RTN1: variants seen among roughly 807,000 people sequenced by gnomAD.
RTN1 encodes the protein reticulon 1.
In RTN1, 25 loss-of-function variants were observed where a neutral mutation model predicts 65.5. The ratio of observed to expected loss-of-function variants is 0.38; its 90% CI spans 0.28 to 0.53. The LOEUF (loss-of-function observed/expected upper bound fraction) is 0.53, where lower values mean the gene tolerates loss of function less well. Ranked by LOEUF, RTN1 falls within the 20% of genes least tolerant of loss-of-function variation. The pLI, the probability that RTN1 is intolerant of heterozygous loss-of-function variation, is 0.79. For synonymous variants in RTN1, 471 were observed against 447.6 expected (o/e 1.05, Z -0.66); for missense variants, 983 against 1,025.4 (o/e 0.96, Z 0.57).
rs1594703971 is a variant in RTN1, at chr14:59,727,593, T to C, written c.1091A>G (p.Lys364Arg). ...DELITAIKEA[K>R]GLSYETAENP... ...CTCGGCGGTTTCATACGATAATCCC[T>C]TTGCTTCTTTGATGGCGGTGATCAG... The change falls in exon 3 of 9, where the codon AAG becomes AGG. Residue 364 changes from lysine (K) to arginine (R), a missense_variant. Around this residue, in one of 2 missense-constraint regions of RTN1, gnomAD observed 818 missense variants for 801.8 expected, o/e 1.02. Coordinates refer to ENST00000267484, the MANE Select transcript of RTN1 (RefSeq NM_021136.3). This position sits in a 1 kb window ranked among gnomAD's most constrained non-coding sequence, Gnocchi z 4.2. 7 of 1,612,678 alleles carry C rather than the reference T, an allele frequency of 4.3e-6. No homozygotes were observed. The highest frequency in any genetic ancestry group is 5.9e-6 in the Non-Finnish European group (7 of 1,179,742).
chr14:59,750,084 GACAT>G (rs1566713049), intron 1 of RTN1, among the ~76,000 whole-genome samples: 5 of 41,230 alleles, frequency 1.2e-4, no homozygotes, highest in Admixed American at 4.9e-4. Context: ...ATATATTATA[GACAT>G]ATATATTATA....
In RTN1 at chr14:59,620,145, G is replaced by A. The variant is rs1882216281; in HGVS notation, c.1766-12653C>T. ...AATCACAGTTGTTTTCAAAGAAGGA[G>A]GGAGAAAAGAGATAGGTAAAGATGG... is the stretch of plus-strand genomic sequence containing the variant. On this transcript the variant is annotated intron_variant, in intron 3 of 8. Transcript: ENST00000267484. Among the ~76,000 whole-genome samples, 4 of 152,014 alleles carry A rather than the reference G, an allele frequency of 2.6e-5. No individual in the cohort carries two copies. In the South Asian group the frequency reaches 8.3e-4, roughly 32 times the overall value.
chr14:59,791,220 G>C (rs1886341848), intron 1 of RTN1, among the ~76,000 whole-genome samples: 1 of 151,728 alleles, frequency 6.6e-6, no homozygotes, highest in African/African-American at 2.4e-5. Flanking sequence ...CTTTATCCTA[G>C]TTTCCGTGTG....
intron 1 of RTN1, among the ~76,000 whole-genome samples, chr14:59,749,338 C>CTA (rs1180265066): frequency 7.6e-4 from 20 of 26,178 alleles, no homozygotes; most frequent in African/African-American, 5.9e-3. Context: ...CTATATATAT[C>CTA]TATATATATC....
chr14:59,795,239 G>A (rs1053562133), intron 1 of RTN1, among the ~76,000 whole-genome samples: 2 of 152,016 alleles, frequency 1.3e-5, no homozygotes, highest in African/African-American at 4.8e-5. Flanking sequence ...TGACATTAAA[G>A]ATTTAAAAAA....
chr14:59,719,647 G>A (rs916622943), intron 3 of RTN1, among the ~76,000 whole-genome samples: 1 of 152,182 alleles, frequency 6.6e-6, no homozygotes, highest in African/African-American at 2.4e-5. Flanking sequence ...TTGTATTTTT[G>A]TATTGCAGGA....
chr14:59,734,236 C>T (rs1474960099), intron 2 of RTN1, among the ~76,000 whole-genome samples: 1 of 152,198 alleles, frequency 6.6e-6, no homozygotes, highest in East Asian at 1.9e-4. Flanking sequence ...CAAAAGTCAG[C>T]AACCTCAAAG....
intron 1 of RTN1, among the ~76,000 whole-genome samples, chr14:59,752,501 G>T (rs1885553950): frequency 1.3e-5 from 2 of 151,996 alleles, no homozygotes; most frequent in Admixed American, 6.6e-5. Context: ...GGCGGGGGTG[G>T]TGCACAAACA....
rs192101396 is a variant in RTN1 at position 59,829,602 on chromosome 14, G to A, written c.241+40788C>T. Among the ~76,000 whole-genome samples, 917 of 152,254 alleles carry A rather than the reference G, an allele frequency of 6.0e-3. 9 individuals carry two copies. Among genetic ancestry groups the A allele is most frequent in the African/African-American group, 0.02 (848 of 41,526 alleles). ...ACAGCTAGACATAGGTGGAGGGCAG[G>A]GCACCAAACAACATTTCATTTCCTG... On this transcript the variant is annotated intron_variant, in intron 1 of 8. Coordinates refer to ENST00000267484, the MANE Select transcript of RTN1 (RefSeq NM_021136.3). This position sits in a 1 kb window ranked among gnomAD's most constrained non-coding sequence, Gnocchi z 4.3.
chr14:59,666,962 CAAAAAAAAAAAA>C (rs146213616), intron 3 of RTN1, among the ~76,000 whole-genome samples: 3 of 60,106 alleles, frequency 5.0e-5, no homozygotes, highest in Non-Finnish European at 9.1e-5. Flanking sequence ...GCCGACCAAC[CAAAAAAAAAAAA>C]AAAAAAAAAA....
chr14:59,681,325 G>A (rs772386085), intron 3 of RTN1, among the ~76,000 whole-genome samples: 63 of 152,180 alleles, frequency 4.1e-4, no homozygotes, highest in Non-Finnish European at 8.8e-5. Context: ...CTTGGTTCTT[G>A]ATTCATATGT....
chr14:59,827,792 T>C (rs1437815411), intron 1 of RTN1, among the ~76,000 whole-genome samples: 1 of 152,232 alleles, frequency 6.6e-6, no homozygotes, highest in Non-Finnish European at 1.5e-5. Context: ...GATATTCTTA[T>C]CTACCCTTTG....
chr14:59,648,968 A>C (rs1010895198), intron 3 of RTN1, among the ~76,000 whole-genome samples: 2 of 152,220 alleles, frequency 1.3e-5, no homozygotes, highest in African/African-American at 4.8e-5. Flanking sequence ...AATAAATGGC[A>C]TTCAGGTAGT....
At position 59,759,383 on chromosome 14, in the gene RTN1, G is replaced by A. The variant is rs74886761; in HGVS notation, c.242-12902C>T. Among the ~76,000 whole-genome samples, 366 of 152,190 alleles carry A rather than the reference G, an allele frequency of 2.4e-3. 3 individuals are homozygous for A. Among genetic ancestry groups the A allele is most frequent in the African/African-American group, 8.3e-3 (346 of 41,534 alleles). ...TTTACAAGCTGTGTGACCCTGGACC[G>A]ATTACCTAATATCTTTGTGCTTCTG... On this transcript the variant is annotated intron_variant, in intron 1 of 8. Coordinates refer to ENST00000267484, the MANE Select transcript of RTN1 (RefSeq NM_021136.3).
chr14:59,842,503 T>C (rs889664664), intron 1 of RTN1, among the ~76,000 whole-genome samples: 4 of 152,114 alleles, frequency 2.6e-5, no homozygotes. Flanking sequence ...TGGACATAGC[T>C]AGCACCATTC....
At chr14:59,683,065 T>C (rs576677777) in intron 3 of RTN1, among the ~76,000 whole-genome samples, 4 of 152,294 alleles carry the variant, frequency 2.6e-5, no homozygotes, top group African/African-American at 9.6e-5. Context: ...GCCAATCCCA[T>C]TTCTCCTTAC....
intron 3 of RTN1, among the ~76,000 whole-genome samples, chr14:59,624,757 C>T (rs1197646101): frequency 1.3e-5 from 2 of 152,206 alleles, no homozygotes; most frequent in African/African-American, 2.4e-5. Context: ...CCAACTGTGC[C>T]TGGCCTGTAC....
intron 1 of RTN1, among the ~76,000 whole-genome samples, chr14:59,796,375 A>T (rs1406132229): frequency 1.3e-5 from 2 of 152,190 alleles, no homozygotes; most frequent in African/African-American, 4.8e-5. Flanking sequence ...TTAATGCATG[A>T]CTGCATTTAG....
At chr14:59,793,931 A>C (rs1458490398) in intron 1 of RTN1, among the ~76,000 whole-genome samples, 2 of 152,098 alleles carry the variant, frequency 1.3e-5, no homozygotes, top group Admixed American at 1.3e-4. Flanking sequence ...CTCCTGTAAC[A>C]CATAAGGCCC....
Sources: allele counts gnomAD v4.1 joint callset (sites outside exome capture counted in the v4.1 genomes callset), GRCh38; gene constraint gnomAD v4.1.1; regional missense constraint gnomAD v4.1.1; non-coding constraint Gnocchi (gnomAD v3.1); transcripts MANE v1.5; gene names NCBI Gene and HGNC (gene_info 2026-07-23, HGNC 2026-07-21).